The following AFDN variants were observed in gnomAD, a reference collection of about 807,000 sequenced individuals.
AFDN encodes afadin.
Under a neutral mutation model 216.6 loss-of-function variants are expected in AFDN, and 68 were observed. The observed-to-expected ratio is 0.31, with a 90% CI of 0.26 to 0.38. The LOEUF (loss-of-function observed/expected upper bound fraction) is 0.38. AFDN is among the 10% of genes least tolerant of loss of function. The pLI, the probability that AFDN is intolerant of heterozygous loss-of-function variation, is 1.00. For synonymous variants in AFDN, 868 were observed against 853.7 expected (o/e 1.02, Z -0.29); for missense variants, 2,136 against 2,342.0 (o/e 0.91, Z 1.82).
At chr6:167,926,878 C>A (rs996496399) in intron 23 of AFDN, among the ~76,000 whole-genome samples, 3 of 152,190 alleles carry the variant, frequency 2.0e-5, no homozygotes, top group African/African-American at 7.2e-5. Context: ...CTCCCAGACA[C>A]AGTCCCCAGC....
chr6:167,827,586 G>GGGGGCGCGGCGGCGCGC (rs1226332701), intron 1 of AFDN: 1 of 147,234 alleles, frequency 6.8e-6, no homozygotes, highest in Non-Finnish European at 1.5e-5. Flanking sequence ...CGGCGGCGCG[G>GGGGGCGCGGCGGCGCGC]GGGGCGCGGC....
intron 2 of AFDN, among the ~76,000 whole-genome samples, chr6:167,866,620 T>G (rs906687438): frequency 1.3e-5 from 2 of 152,238 alleles, no homozygotes; most frequent in Admixed American, 1.3e-4. Context: ...GCTGGGACAG[T>G]TGTGCCTCTT....
At chr6:167,845,577 T>C (rs925549600) in intron 1 of AFDN, among the ~76,000 whole-genome samples, 2 of 152,170 alleles carry the variant, frequency 1.3e-5, no homozygotes, top group Non-Finnish European at 2.9e-5. Flanking sequence ...GGTTTCGCCA[T>C]GTTGGTCAGA....
chr6:167,829,136 A>G (rs191787601), intron 1 of AFDN, among the ~76,000 whole-genome samples: 1 of 152,158 alleles, frequency 6.6e-6, no homozygotes, highest in Non-Finnish European at 1.5e-5. Context: ...TTATATCTGA[A>G]CATTTCCATT....
chr6:167,867,156 T>G (rs915784072), intron 2 of AFDN, among the ~76,000 whole-genome samples: 40 of 152,216 alleles, frequency 2.6e-4, no homozygotes, highest in Non-Finnish European at 5.3e-4. Context: ...TCTTCTTGCT[T>G]TACTTTTATG....
In AFDN at chr6:167,916,350, G is replaced by C. The variant is rs558846265; in HGVS notation, c.2566-739G>C. ...AAAAGATAACACTCTTGAGGACTGA[G>C]GGTTAGCCCTGCAAATTTTTAGGGG... On this transcript the variant is annotated intron_variant, in intron 19 of 33. Transcript: ENST00000683244. Among the ~76,000 whole-genome samples, 4 of 152,304 alleles carry C rather than the reference G, an allele frequency of 2.6e-5. No homozygotes were observed. In the South Asian group the frequency reaches 6.2e-4, roughly 24 times the overall value.
chr6:167,852,113 A>G (rs905556197), intron 1 of AFDN, among the ~76,000 whole-genome samples: 1 of 152,190 alleles, frequency 6.6e-6, no homozygotes, highest in Non-Finnish European at 1.5e-5. Flanking sequence ...TGTGCATCTA[A>G]CAAAAATTCA....
chr6:167,969,777 T>G lies in AFDN; in HGVS notation c.5343-5T>G. 6.2e-7 allele frequency: 1 copy of G among 1,604,782 alleles called. No homozygotes were observed. The highest frequency in any genetic ancestry group is 8.5e-7 in the Non-Finnish European group (1 of 1,177,684). Reference sequence around the variant, plus strand: ...AGTAATCTTTGATATTGCCCTCTTCTGCAGCCAAGATGCAGATTCACCTGG... The same window carrying G: ...AGTAATCTTTGATATTGCCCTCTTCGGCAGCCAAGATGCAGATTCACCTGG... On this transcript the variant is annotated splice_polypyrimidine_tract_variant and splice_region_variant and intron_variant, in intron 33 of 33. Transcript: ENST00000683244.
At chr6:167,939,640 G>A (rs780893158) in intron 23 of AFDN, among the ~76,000 whole-genome samples, 5 of 152,160 alleles carry the variant, frequency 3.3e-5, no homozygotes, top group African/African-American at 1.2e-4. Context: ...TATTTGTTCC[G>A]TGAATGAAAT....
chr6:167,969,985 T>C lies in AFDN; in HGVS notation c.*50T>C. The C allele has an allele frequency of 6.6e-7, 1 of 1,521,680 alleles. No homozygotes were observed. The highest frequency in any genetic ancestry group is 2.2e-5 in the Admixed American group (1 of 45,636). The allele number at this position is 1,521,680 out of a possible 1,614,324, so 94.3% of individuals were successfully genotyped here. A position where few individuals can be genotyped will look rare whatever the true frequency, so the allele number is the denominator to read the frequency against. On this transcript the variant is annotated 3_prime_UTR_variant, in exon 34 of 34. Transcript: ENST00000683244. ...ATTTACCCCAAAATCTTTTCAGTTG[T>C]GGGTTTGTAGGTGCGAGTTTGAAGA...
At chr6:167,862,960 T>C (rs968890984) in intron 1 of AFDN, among the ~76,000 whole-genome samples, 1 of 152,212 alleles carries the variant, frequency 6.6e-6, no homozygotes. Flanking sequence ...CTTGGTATAG[T>C]GGGTAACAAG....
At chr6:167,870,213 C>T (rs1055916876) in intron 2 of AFDN, among the ~76,000 whole-genome samples, 173 bp from the exon 3 acceptor site, 1 of 152,124 alleles carries the variant, frequency 6.6e-6, no homozygotes, top group African/African-American at 2.4e-5. Context: ...CATACAGTAG[C>T]AACAAAATGT....
chr6:167,944,878 C>T (rs1795090228), intron 26 of AFDN, among the ~76,000 whole-genome samples: 1 of 152,058 alleles, frequency 6.6e-6, no homozygotes, highest in Non-Finnish European at 1.5e-5. Context: ...CTGGGTGCGT[C>T]CACGAGTGAG....
At chr6:167,946,181 G>A (rs1288676942) in intron 26 of AFDN, among the ~76,000 whole-genome samples, 1 of 152,216 alleles carries the variant, frequency 6.6e-6, no homozygotes, top group Non-Finnish European at 1.5e-5. Context: ...TTCTTAGTTA[G>A]TGGTCATTTA....
chr6:167,879,771 C>G (rs1785879772), intron 5 of AFDN, among the ~76,000 whole-genome samples: 1 of 152,094 alleles, frequency 6.6e-6, no homozygotes. Flanking sequence ...GTTTGTAGTG[C>G]CTGGAAGTAA....
intron 1 of AFDN, among the ~76,000 whole-genome samples, chr6:167,828,991 C>T (rs1276577529): frequency 1.3e-5 from 2 of 151,812 alleles, no homozygotes; most frequent in African/African-American, 2.4e-5. Context: ...TTAAAATTGG[C>T]CTGTCATTTG....
At chr6:167,838,931 C>T (rs1780748199) in intron 1 of AFDN, among the ~76,000 whole-genome samples, 2 of 152,220 alleles carry the variant, frequency 1.3e-5, no homozygotes, top group Non-Finnish European at 2.9e-5. Context: ...TGCTTAGATG[C>T]AGGTAACTTC....
At chr6:167,830,870 T>C (rs1195188797) in intron 1 of AFDN, among the ~76,000 whole-genome samples, 2 of 151,802 alleles carry the variant, frequency 1.3e-5, no homozygotes, top group East Asian at 1.9e-4. Context: ...TAGCTACATC[T>C]ATATTCCAGA....
chr6:167,902,535 G>A lies in AFDN; in HGVS notation c.1650+149G>A, dbSNP rs1307637305. On this transcript the variant is annotated intron_variant, in intron 12 of 33. Coordinates refer to ENST00000683244, the MANE Select transcript of AFDN (RefSeq NM_001386888.1). ...TGTCTGAAATCATAAATAGTACAGA[G>A]CCCTATGGATACTATGTTGTTTTCC... 4 of 582,910 alleles carry A rather than the reference G, an allele frequency of 6.9e-6. No individual in the cohort carries two copies. The East Asian group carries it at 8.9e-5, about 13-fold the overall frequency. The allele number at this position is 582,910 out of a possible 1,614,324, so 36.1% of individuals were successfully genotyped here. A position where few individuals can be genotyped will look rare whatever the true frequency, so the allele number is the denominator to read the frequency against.
Sources: allele counts gnomAD v4.1 joint callset (sites outside exome capture counted in the v4.1 genomes callset), GRCh38; gene constraint gnomAD v4.1.1; transcripts MANE v1.5; gene names NCBI Gene and HGNC (gene_info 2026-07-23, HGNC 2026-07-21).